The following SGCZ variants were observed in gnomAD, a reference collection of about 807,000 sequenced individuals.
SGCZ encodes sarcoglycan zeta, also known as zeta-sarcoglycan.
SGCZ carries 40 observed loss-of-function variants against 41.3 expected under a neutral mutation model. That is an observed-to-expected ratio of 0.97 (90% CI 0.75 to 1.26). The LOEUF (loss-of-function observed/expected upper bound fraction) is 1.26. SGCZ is among the 50% of genes most tolerant of loss of function. The pLI, the probability that SGCZ is intolerant of heterozygous loss-of-function variation, is 0.00. For synonymous variants in SGCZ, 206 were observed against 137.5 expected, an observed-to-expected ratio of 1.50 and a Z score of -3.49; for missense variants, 552 against 369.8, an observed-to-expected ratio of 1.49 and a Z score of -4.04.
chr8:14,904,301 G>A (rs1799061295), intron 1 of SGCZ, among the ~76,000 whole-genome samples: 1 of 151,950 alleles, frequency 6.6e-6, no homozygotes, highest in African/African-American at 2.4e-5. Context: ...TGTTTTCAAG[G>A]ACAGAAAGGA....
intron 1 of SGCZ, among the ~76,000 whole-genome samples, chr8:14,815,405 C>A (rs1450206548): frequency 6.8e-6 from 1 of 146,786 alleles, no homozygotes; most frequent in African/African-American, 2.5e-5. Context: ...GCATGTGGTT[C>A]ATAACTACTT....
chr8:14,318,836 G>A (rs758667913), intron 3 of SGCZ, among the ~76,000 whole-genome samples: 6 of 151,748 alleles, frequency 4.0e-5, no homozygotes, highest in Non-Finnish European at 8.8e-5. Flanking sequence ...TAAAACTTCA[G>A]CATTATATAA....
At chr8:15,103,521 A>T (rs1471749050) in intron 1 of SGCZ, among the ~76,000 whole-genome samples, 1 of 152,170 alleles carries the variant, frequency 6.6e-6, no homozygotes, top group Non-Finnish European at 1.5e-5. Context: ...GTTATCAGGG[A>T]CCAAACAGTG....
At chr8:14,113,178 C>T (rs1585145938) in intron 5 of SGCZ, among the ~76,000 whole-genome samples, 1 of 152,094 alleles carries the variant, frequency 6.6e-6, no homozygotes, top group African/African-American at 2.4e-5. Flanking sequence ...TAATTATTTT[C>T]CTGGACACTG....
chr8:14,367,225 A>G (rs1353722175), intron 2 of SGCZ, among the ~76,000 whole-genome samples: 4 of 152,062 alleles, frequency 2.6e-5, no homozygotes, highest in Non-Finnish European at 2.9e-5. Flanking sequence ...GTTTCCAAGA[A>G]GTTTCTCATC....
At chr8:14,930,989 T>G (rs1335381870) in intron 1 of SGCZ, among the ~76,000 whole-genome samples, 2 of 152,092 alleles carry the variant, frequency 1.3e-5, no homozygotes, top group Non-Finnish European at 2.9e-5. Context: ...GTTCTGCACA[T>G]GTACCCCAGA....
intron 1 of SGCZ, among the ~76,000 whole-genome samples, chr8:15,201,546 T>G (rs1049617066): frequency 6.6e-6 from 1 of 152,218 alleles, no homozygotes; most frequent in African/African-American, 2.4e-5. Context: ...ACCATGTCTT[T>G]ACTGCTGTCA....
At chr8:14,156,905 C>T (rs1337187901) in intron 5 of SGCZ, among the ~76,000 whole-genome samples, 1 of 152,098 alleles carries the variant, frequency 6.6e-6, no homozygotes, top group Admixed American at 6.6e-5. Flanking sequence ...TCCTGAAGGA[C>T]CTGCCTGAGG....
At chr8:15,071,730 A>G (rs941965167) in intron 1 of SGCZ, among the ~76,000 whole-genome samples, 3 of 152,142 alleles carry the variant, frequency 2.0e-5, no homozygotes, top group African/African-American at 7.2e-5. Flanking sequence ...AGCTTTTGTA[A>G]CCTTCTGGGA....
intron 2 of SGCZ, among the ~76,000 whole-genome samples, chr8:14,354,884 T>C (rs28378415): frequency 0.026 from 4,001 of 152,016 alleles, 146 homozygotes; most frequent in African/African-American, 0.09. Flanking sequence ...ATTTATAATA[T>C]ATTGTAAAAT....
At chr8:15,151,995 A>C (rs764050923) in intron 1 of SGCZ, among the ~76,000 whole-genome samples, 1 of 152,254 alleles carries the variant, frequency 6.6e-6, no homozygotes, top group African/African-American at 2.4e-5. Context: ...AACAGCCTTT[A>C]AAACTGTGGT....
At chr8:14,888,205 AC>A (rs1484271079) in intron 1 of SGCZ, among the ~76,000 whole-genome samples, 1 of 152,202 alleles carries the variant, frequency 6.6e-6, no homozygotes, top group African/African-American at 2.4e-5. Context: ...CATAGTAGTG[AC>A]CTTTATCCTT....
At chr8:14,509,900 T>C (rs1802419395) in intron 2 of SGCZ, among the ~76,000 whole-genome samples, 1 of 151,992 alleles carries the variant, frequency 6.6e-6, no homozygotes, top group South Asian at 2.1e-4. Context: ...ACTCACTCAC[T>C]ATCACAAGAA....
intron 1 of SGCZ, among the ~76,000 whole-genome samples, chr8:14,880,742 G>A (rs1034717669): frequency 1.8e-4 from 28 of 152,098 alleles, no homozygotes; most frequent in Non-Finnish European, 3.7e-4. Context: ...TCATAGGTGG[G>A]AATTGAACAT....
chr8:14,443,029 G>A lies in SGCZ; in HGVS notation c.234+111703C>T, dbSNP rs183843905. The stretch of plus-strand genomic sequence containing the variant: ...TATAAACCAATAACAGCCAAACAGA[G>A]AGCCAAATCATGAGTGAACTCCCAT... On this transcript the variant is annotated intron_variant, in intron 2 of 7. Transcript: ENST00000382080. 6.6e-5 allele frequency among the ~76,000 whole-genome samples: 10 copies of A among 152,174 alleles called. No individual in the cohort carries two copies. The East Asian group carries it at 1.9e-3, about 29-fold the overall frequency.
intron 5 of SGCZ, among the ~76,000 whole-genome samples, chr8:14,146,728 C>G (rs1033262317): frequency 6.7e-6 from 1 of 149,920 alleles, no homozygotes; most frequent in African/African-American, 2.5e-5. Context: ...AAAAATTAGC[C>G]GGGCGTAGTG....
chr8:14,702,831 A>G (rs1688381107), intron 1 of SGCZ, among the ~76,000 whole-genome samples: 1 of 81,058 alleles, frequency 1.2e-5, no homozygotes, highest in Non-Finnish European at 3.0e-5. Flanking sequence ...ATAGATAGAT[A>G]GATAGATAGA....
chr8:14,431,538 C>A (rs1799942005), intron 2 of SGCZ, among the ~76,000 whole-genome samples: 2 of 152,160 alleles, frequency 1.3e-5, no homozygotes, highest in Non-Finnish European at 2.9e-5. Flanking sequence ...CAAAAATCAA[C>A]TCAAGATGGA....
At chr8:14,547,298 G>C (rs557854778) in intron 2 of SGCZ, among the ~76,000 whole-genome samples, 1 of 152,218 alleles carries the variant, frequency 6.6e-6, no homozygotes, top group East Asian at 1.9e-4. Context: ...TGACAAATAA[G>C]CTCCCTCATT....
Sources: gnomAD v4.1 joint callset for allele counts (sites outside exome capture counted in the v4.1 genomes callset) on GRCh38, gnomAD v4.1.1 for gene constraint, MANE v1.5 for transcripts, NCBI Gene and HGNC (gene_info 2026-07-23, HGNC 2026-07-21) for gene names.